Variants in POLK observed in about 807,000 individuals in gnomAD.
The protein encoded by POLK is polymerase (DNA directed) kappa.
In POLK, 76 loss-of-function variants were observed where a neutral mutation model predicts 94.0. The ratio of observed to expected loss-of-function variants is 0.81; its 90% CI spans 0.67 to 0.98. The LOEUF (loss-of-function observed/expected upper bound fraction) is 0.98. Ranked by LOEUF, POLK falls within the 50% of genes least tolerant of loss-of-function variation. The pLI is 0.00. For synonymous variants in POLK, 349 were observed against 325.4 expected, an observed-to-expected ratio of 1.07 and a Z score of -0.78; for missense variants, 954 against 1,010.1, an observed-to-expected ratio of 0.94 and a Z score of 0.75.
chr5:75,605,558 G>A (rs1287574805), downstream of POLK, among the ~76,000 whole-genome samples: 2 of 152,126 alleles, frequency 1.3e-5, no homozygotes, highest in African/African-American at 2.4e-5. Flanking sequence ...TCTGAGATAC[G>A]CCATGGTTTT....
At chr5:75,594,032 T>C in exon 12 of POLK, 1 of 1,600,638 alleles carries the variant, frequency 6.2e-7, no homozygotes, top group Non-Finnish European at 8.5e-7. Flanking sequence ...CCACATCCCT[T>C]GAGATTAAGG....
rs58783164 is a variant in POLK, at chr5:75,595,248, G to GAAAAAAA, written c.1529-955_1529-949dup. Among the ~76,000 whole-genome samples the GAAAAAAA allele has an allele frequency of 2.3e-3, 58 of 24,882 alleles. 6 individuals are homozygous for GAAAAAAA. Among genetic ancestry groups the GAAAAAAA allele is most frequent in the African/African-American group, 4.4e-3 (40 of 9,168 alleles). 16.3% of individuals were successfully genotyped at this position (24,882 alleles called of 152,430 possible). A position where few individuals can be genotyped will look rare whatever the true frequency, so the allele number is the denominator to read the frequency against. ...GCAACAAGAGTGAAACTCCACCTCA[G>GAAAAAAA]AAAAAAAAAAAAAAAAAAAAAAAAA... On this transcript the variant is annotated intron_variant, in intron 12 of 14. Transcript: ENST00000241436.
chr5:75,591,105 G>A (rs993769522), intron 11 of POLK, among the ~76,000 whole-genome samples: 1 of 152,200 alleles, frequency 6.6e-6, no homozygotes, highest in African/African-American at 2.4e-5. Flanking sequence ...GATCAGTAAG[G>A]TGACTATAGT....
chr5:75,597,354 T>C, intron 13 of POLK, 176 bp downstream of exon 13: 1 of 540,332 alleles, frequency 1.9e-6, no homozygotes, highest in Non-Finnish European at 3.3e-6. Flanking sequence ...AGCCTGTAGA[T>C]TGTGAATTTG....
intron 1 of POLK, among the ~76,000 whole-genome samples, chr5:75,523,176 A>G (rs1443414459): frequency 1.3e-5 from 2 of 152,202 alleles, no homozygotes; most frequent in Admixed American, 1.3e-4. Flanking sequence ...TCTTTGTCCA[A>G]TCTAGTAAAA....
At chr5:75,598,619 A>T (rs1322776470) in exon 15 of POLK, 3 of 152,524 alleles carry the variant, frequency 2.0e-5, no homozygotes, top group African/African-American at 7.2e-5. Context: ...AAGCACTTGA[A>T]TCAGTTTTTA....
At chr5:75,526,475 TTTTG>T (rs1186101268) in intron 1 of POLK, among the ~76,000 whole-genome samples, 1 of 152,034 alleles carries the variant, frequency 6.6e-6, no homozygotes, top group Non-Finnish European at 1.5e-5. Flanking sequence ...CTTTTGTTTG[TTTTG>T]TTTGTCTCCT....
At chr5:75,597,004 G>A (rs1234909697) in exon 13 of POLK, 1 of 1,613,918 alleles carries the variant, frequency 6.2e-7, no homozygotes, top group South Asian at 1.1e-5. Context: ...CTTATGTGAA[G>A]TGAAAACAGG....
At chr5:75,557,498 C>T (rs1482253845) in intron 3 of POLK, among the ~76,000 whole-genome samples, 1 of 152,134 alleles carries the variant, frequency 6.6e-6, no homozygotes, top group African/African-American at 2.4e-5. Flanking sequence ...CCTTGGTTTA[C>T]AATGGAGTTA....
intron 1 of POLK, among the ~76,000 whole-genome samples, chr5:75,544,773 G>A (rs548987952): frequency 3.5e-4 from 54 of 152,318 alleles, no homozygotes; most frequent in African/African-American, 1.3e-3. Flanking sequence ...AAGGTATGGT[G>A]AAATTATGAC....
chr5:75,580,569 G>C (rs1357049921), intron 6 of POLK: 1 of 862,592 alleles, frequency 1.2e-6, no homozygotes, highest in African/African-American at 1.8e-5. Flanking sequence ...TTCAGAATTT[G>C]TATATTCAAA....
upstream of POLK, chr5:75,511,578 G>C (rs897232917): frequency 8.2e-6 from 12 of 1,462,482 alleles, no homozygotes; most frequent in African/African-American, 1.7e-4. Context: ...TGAGTCCCGC[G>C]TCCACTCACA....
chr5:75,559,057 G>A (rs1313797041), intron 3 of POLK, among the ~76,000 whole-genome samples: 1 of 152,160 alleles, frequency 6.6e-6, no homozygotes, highest in African/African-American at 2.4e-5. Flanking sequence ...GTTTTATGTT[G>A]ATTGTTCAAT....
intron 1 of POLK, among the ~76,000 whole-genome samples, chr5:75,546,457 C>G (rs1770024403): frequency 6.6e-6 from 1 of 152,018 alleles, no homozygotes; most frequent in Non-Finnish European, 1.5e-5. Context: ...CCCGTGTTGT[C>G]TAAGAGTCAC....
intron 12 of POLK, among the ~76,000 whole-genome samples, 181 bp from the exon 13 acceptor site, chr5:75,596,041 A>G (rs1026994468): frequency 6.6e-6 from 1 of 152,246 alleles, no homozygotes; most frequent in African/African-American, 2.4e-5. Context: ...TTAATATTTA[A>G]TGATATTCTT....
At chr5:75,598,369 A>G (rs900462070) in exon 15 of POLK, 2 of 154,618 alleles carry the variant, frequency 1.3e-5, no homozygotes, top group African/African-American at 4.8e-5. Flanking sequence ...CTATATTATC[A>G]TAAGAATTTT....
intron 1 of POLK, among the ~76,000 whole-genome samples, chr5:75,516,184 C>A (rs1244993715): frequency 6.6e-6 from 1 of 152,160 alleles, no homozygotes; most frequent in Non-Finnish European, 1.5e-5. Flanking sequence ...TGTCCCTTCA[C>A]TTTGTTGATT....
At chr5:75,570,594 T>C (rs1771538900) in intron 4 of POLK, among the ~76,000 whole-genome samples, 1 of 152,250 alleles carries the variant, frequency 6.6e-6, no homozygotes, top group African/African-American at 2.4e-5. Flanking sequence ...AAATTGTTTT[T>C]CCCATGACTT....
chr5:75,604,094 T>C (rs1773361947), downstream of POLK, among the ~76,000 whole-genome samples: 1 of 152,194 alleles, frequency 6.6e-6, no homozygotes, highest in Non-Finnish European at 1.5e-5. Flanking sequence ...CAAAAGTGTT[T>C]ACTACTATCT....
Sources: allele counts gnomAD v4.1 joint callset (sites outside exome capture counted in the v4.1 genomes callset), GRCh38; gene constraint gnomAD v4.1.1; transcripts MANE v1.5; gene names NCBI Gene and HGNC (gene_info 2026-07-23, HGNC 2026-07-21).